WNK2: variants seen among roughly 807,000 people sequenced by gnomAD.
WNK2 encodes the protein serine/threonine-protein kinase WNK2.
WNK2 carries 67 observed loss-of-function variants against 192.1 expected under a neutral mutation model. The observed-to-expected ratio is 0.35, with a 90% CI of 0.29 to 0.43. The LOEUF (loss-of-function observed/expected upper bound fraction) is 0.43, where lower values mean the gene tolerates loss of function less well. WNK2 is among the 20% of genes least tolerant of loss of function. The pLI is 1.00. For missense variants in WNK2, 2,698 were observed against 3,089.7 expected, an observed-to-expected ratio of 0.87 and a Z score of 3.01; for synonymous variants, 1,439 against 1,393.9, an observed-to-expected ratio of 1.03 and a Z score of -0.72.
At chr9:93,198,349 G>A (rs1331138638) in intron 2 of WNK2, among the ~76,000 whole-genome samples, 4 of 152,242 alleles carry the variant, frequency 2.6e-5, no homozygotes, top group African/African-American at 9.6e-5. Flanking sequence ...TCCCCAGGCA[G>A]GCGGGGCTTG....
At chr9:93,318,351 C>T (rs1222447308) in intron 29 of WNK2, 9 of 1,594,532 alleles carry the variant, frequency 5.6e-6, no homozygotes, top group Non-Finnish European at 7.7e-6. Context: ...GCTTCCATTG[C>T]TAGGTGAGCC....
At chr9:93,198,422 C>T (rs1449293906) in intron 2 of WNK2, among the ~76,000 whole-genome samples, 1 of 152,224 alleles carries the variant, frequency 6.6e-6, no homozygotes, top group Non-Finnish European at 1.5e-5. Context: ...GGTGGGGCCC[C>T]TCCTCAGGCC....
intron 3 of WNK2, 23 bp from the exon 4 acceptor site, chr9:93,230,865 G>A (rs1443424191): frequency 5.0e-6 from 8 of 1,604,992 alleles, no homozygotes; most frequent in Non-Finnish European, 6.8e-6. Flanking sequence ...TGCTTGGTGA[G>A]CTGTGCCCGT....
intron 15 of WNK2, 84 bp downstream of exon 15, chr9:93,263,818 TGGTGGG>T: frequency 2.5e-6 from 1 of 395,264 alleles, no homozygotes. Context: ...GGCGGGGGTG[TGGTGGG>T]GGTGGGGGGG....
chr9:93,262,651 C>A lies in WNK2; in HGVS notation c.3361-19C>A. On this transcript the variant is annotated intron_variant, in intron 13 of 29. Transcript: ENST00000427277. ...GAGTCCGCATGACCTGTTCTCTTTT[C>A]TCCGGGTGTTTATTTCAGGAGCAGG... 1.2e-6 allele frequency: 2 copies of A among 1,612,668 alleles called. No individual in the cohort carries two copies. The highest frequency in any genetic ancestry group is 1.7e-6 in the Non-Finnish European group (2 of 1,179,858).
chr9:93,204,194 A>G (rs985077810), intron 2 of WNK2, among the ~76,000 whole-genome samples: 11 of 152,118 alleles, frequency 7.2e-5, no homozygotes, highest in African/African-American at 2.4e-4. Context: ...AGAGTATATG[A>G]AAACCGTTCA....
chr9:93,277,640 C>T (rs1013994096), intron 19 of WNK2, among the ~76,000 whole-genome samples: 1 of 152,052 alleles, frequency 6.6e-6, no homozygotes, highest in Non-Finnish European at 1.5e-5. Flanking sequence ...AAATGCTAAA[C>T]TATAATGATA....
chr9:93,290,190 T>G (rs1849110531), intron 21 of WNK2, 143 bp downstream of exon 21: 1 of 721,104 alleles, frequency 1.4e-6, no homozygotes, highest in Non-Finnish European at 2.3e-6. Flanking sequence ...TAAGGGATCC[T>G]TTAGCATCCA....
intron 13 of WNK2, 65 bp from the exon 14 acceptor site, chr9:93,262,605 G>C: frequency 6.4e-7 from 1 of 1,569,930 alleles, no homozygotes; most frequent in South Asian, 1.1e-5. Context: ...ACTATGCGTG[G>C]CTGTGCCCAC....
intron 8 of WNK2, among the ~76,000 whole-genome samples, chr9:93,249,803 G>A (rs10821097): frequency 0.29 from 44,474 of 151,468 alleles, 6,700 homozygotes; most frequent in South Asian, 0.52. Flanking sequence ...TGTTCATTGC[G>A]GTTTCTTTAA....
chr9:93,264,345 G>C (rs4744206), intron 16 of WNK2, among the ~76,000 whole-genome samples: 58,364 of 152,042 alleles, frequency 0.38, 13,327 homozygotes, highest in Admixed American at 0.51. Context: ...CTTGAGTGAG[G>C]CACGGGAGGG....
rs1290516566 is a variant in WNK2, at chr9:93,314,263, CAA to C, written c.6517-3256_6517-3255del. Among the ~76,000 whole-genome samples the C allele has an allele frequency of 2.6e-5, 4 of 151,088 alleles. No individual in the cohort carries two copies. In the South Asian group the frequency reaches 8.4e-4, roughly 32 times the overall value. On this transcript the variant is annotated intron_variant, in intron 28 of 29. Transcript: ENST00000427277. ...TGCCATTGCACTCCAGCCTGGGCGA[CAA>C]GAGCAAAAGTCCGTCTCAAATAAAA...
At chr9:93,258,891 G>C (rs1843728756) in intron 11 of WNK2, 40 bp from the exon 12 acceptor site, 4 of 1,564,102 alleles carry the variant, frequency 2.6e-6, no homozygotes, top group African/African-American at 2.7e-5. Context: ...CAGGGACCCT[G>C]GTTGGGGCCC....
chr9:93,306,829 T>C lies in WNK2; in HGVS notation c.6259+8T>C, dbSNP rs767218811. On this transcript the variant is annotated splice_region_variant and intron_variant, in intron 27 of 29. Transcript: ENST00000427277. ...GCAAAGAACACAGCAGTAGTAATTATCCGGGTTTTTTCCCCTTTGTCCTCT... is the reference window on the plus strand; with the variant it reads ...GCAAAGAACACAGCAGTAGTAATTACCCGGGTTTTTTCCCCTTTGTCCTCT... 1.9e-6 allele frequency: 3 copies of C among 1,613,952 alleles called. No homozygotes were observed. The African/African-American group carries it at 4.0e-5, about 22-fold the overall frequency.
chr9:93,233,588 C>T (rs975831887), intron 4 of WNK2, among the ~76,000 whole-genome samples: 3 of 150,402 alleles, frequency 2.0e-5, no homozygotes, highest in Non-Finnish European at 4.4e-5. Context: ...GTCCCAGCTA[C>T]TTGGGAGGCT....
chr9:93,250,228 C>T (rs547242499), intron 8 of WNK2, among the ~76,000 whole-genome samples: 2 of 152,338 alleles, frequency 1.3e-5, no homozygotes, highest in East Asian at 1.9e-4. Context: ...GGCTACCACA[C>T]GTGAACACCT....
At chr9:93,233,475 C>G (rs1410320435) in intron 4 of WNK2, among the ~76,000 whole-genome samples, 1 of 152,044 alleles carries the variant, frequency 6.6e-6, no homozygotes, top group African/African-American at 2.4e-5. Context: ...GCGGGCGGAT[C>G]ATTTGAGGTC....
At chr9:93,298,937 G>A in intron 24 of WNK2, 133 bp from the exon 25 acceptor site, 1 of 894,688 alleles carries the variant, frequency 1.1e-6, no homozygotes. Context: ...ATGTGGCCAT[G>A]TGCCTGTGGT....
At chr9:93,248,126 T>A (rs1176563049) in intron 8 of WNK2, among the ~76,000 whole-genome samples, 3 of 152,230 alleles carry the variant, frequency 2.0e-5, no homozygotes, top group Admixed American at 6.5e-5. Context: ...TGTCGGGAAC[T>A]TCATAAGAGA....
Sources: allele counts gnomAD v4.1 joint callset (sites outside exome capture counted in the v4.1 genomes callset), GRCh38; gene constraint gnomAD v4.1.1; transcripts MANE v1.5; gene names NCBI Gene and HGNC (gene_info 2026-07-23, HGNC 2026-07-21).